The following STXBP5L variants were observed in gnomAD, a reference collection of about 807,000 sequenced individuals.
The protein encoded by STXBP5L is syntaxin binding protein 5L.
A neutral mutation model predicts 144.5 loss-of-function variants in STXBP5L; 65 were observed. That is an observed-to-expected ratio of 0.45 (90% CI 0.37 to 0.55). The LOEUF is 0.55. STXBP5L is among the 20% of genes least tolerant of loss of function. The pLI, the probability that STXBP5L is intolerant of heterozygous loss-of-function variation, is 0.00. For synonymous variants in STXBP5L, 505 were observed against 469.6 expected (o/e 1.08, Z -0.97); for missense variants, 1,298 against 1,405.5 (o/e 0.92, Z 1.22).
At chr3:121,003,873 C>T (rs749620487) in intron 3 of STXBP5L, among the ~76,000 whole-genome samples, 2 of 152,098 alleles carry the variant, frequency 1.3e-5, no homozygotes, top group Non-Finnish European at 2.9e-5. Context: ...AGATATATGG[C>T]ATTATTTCTG....
At chr3:121,156,733 A>G in intron 8 of STXBP5L, among the ~76,000 whole-genome samples, 1 of 151,982 alleles carries the variant, frequency 6.6e-6, no homozygotes, top group East Asian at 1.9e-4. Context: ...ATAATTTTAA[A>G]ACAATATAAT....
intron 3 of STXBP5L, among the ~76,000 whole-genome samples, chr3:120,978,576 T>C (rs543793153): frequency 1.0e-3 from 152 of 152,366 alleles, no homozygotes; most frequent in African/African-American, 3.5e-3. Context: ...AGGTTTGTTC[T>C]GTTGCTGGTG....
At chr3:121,145,098 G>A (rs1218905348) in intron 7 of STXBP5L, among the ~76,000 whole-genome samples, 2 of 151,774 alleles carry the variant, frequency 1.3e-5, no homozygotes, top group Non-Finnish European at 2.9e-5. Context: ...GTGCAACATT[G>A]TATCTAGAGT....
intron 3 of STXBP5L, among the ~76,000 whole-genome samples, chr3:120,982,816 G>C (rs1035543775): frequency 6.6e-6 from 1 of 152,190 alleles, no homozygotes; most frequent in Non-Finnish European, 1.5e-5. Flanking sequence ...GGGCTAGGCA[G>C]TCCCCCAATT....
At chr3:121,024,765 A>G (rs182362856) in intron 3 of STXBP5L, among the ~76,000 whole-genome samples, 1 of 152,182 alleles carries the variant, frequency 6.6e-6, no homozygotes, top group East Asian at 1.9e-4. Context: ...TATCCCATAA[A>G]TGTATAAACA....
intron 18 of STXBP5L, among the ~76,000 whole-genome samples, chr3:121,268,550 A>G (rs972708611): frequency 6.6e-6 from 1 of 152,116 alleles, no homozygotes; most frequent in African/African-American, 2.4e-5. Context: ...AACTTAAAGT[A>G]TAATAAAAAA....
chr3:120,961,558 A>G (rs1412820597), intron 3 of STXBP5L, among the ~76,000 whole-genome samples: 1 of 152,192 alleles, frequency 6.6e-6, no homozygotes, highest in Admixed American at 6.5e-5. Context: ...TTTGCTGAGA[A>G]TGCTGGTTTC....
At chr3:121,213,205 T>C (rs1157723984) in intron 10 of STXBP5L, among the ~76,000 whole-genome samples, 2 of 152,160 alleles carry the variant, frequency 1.3e-5, no homozygotes, top group Non-Finnish European at 2.9e-5. Flanking sequence ...CCTTTATTTC[T>C]TTCTCTTGCC....
intron 19 of STXBP5L, among the ~76,000 whole-genome samples, chr3:121,293,931 CAGAA>C (rs1164801152): frequency 6.6e-6 from 1 of 151,960 alleles, no homozygotes; most frequent in Non-Finnish European, 1.5e-5. Context: ...CATCTAGAAA[CAGAA>C]AGAATGCAAG....
At chr3:121,004,529 G>A (rs1235528836) in intron 3 of STXBP5L, among the ~76,000 whole-genome samples, 3 of 151,606 alleles carry the variant, frequency 2.0e-5, no homozygotes, top group Non-Finnish European at 4.4e-5. Flanking sequence ...TTTCCTAATT[G>A]AATACCCTTT....
At chr3:121,122,469 A>G (rs1399886721) in intron 7 of STXBP5L, among the ~76,000 whole-genome samples, 2 of 151,520 alleles carry the variant, frequency 1.3e-5, no homozygotes, top group Middle Eastern at 3.4e-3. Flanking sequence ...AATGTATACG[A>G]ATAGCCATGA....
intron 15 of STXBP5L, 140 bp downstream of exon 15, chr3:121,250,903 C>G: frequency 1.6e-6 from 1 of 644,506 alleles, no homozygotes; most frequent in East Asian, 2.8e-5. Flanking sequence ...AAATCTATTA[C>G]CTACACTGTT....
intron 5 of STXBP5L, among the ~76,000 whole-genome samples, chr3:121,114,402 T>C (rs960381818): frequency 6.6e-6 from 1 of 152,218 alleles, no homozygotes; most frequent in Non-Finnish European, 1.5e-5. Flanking sequence ...CTCTGTGAAC[T>C]CTGAAATTTA....
intron 5 of STXBP5L, among the ~76,000 whole-genome samples, chr3:121,094,634 C>T (rs1294109746): frequency 2.6e-5 from 4 of 152,052 alleles, no homozygotes; most frequent in African/African-American, 9.7e-5. Context: ...GGTAGATCTT[C>T]CTCCATCCTT....
chr3:121,311,032 A>T (rs2043508779), intron 19 of STXBP5L, among the ~76,000 whole-genome samples: 1 of 152,230 alleles, frequency 6.6e-6, no homozygotes, highest in Admixed American at 6.5e-5. Flanking sequence ...TTACTACTAC[A>T]TAACACAAAT....
chr3:121,109,576 G>A (rs1350491247), intron 5 of STXBP5L, among the ~76,000 whole-genome samples: 1 of 152,062 alleles, frequency 6.6e-6, no homozygotes, highest in African/African-American at 2.4e-5. Context: ...ATTGCTCTAT[G>A]GTCTGAGAGA....
chr3:121,291,575 GTA>G (rs2051440308), intron 19 of STXBP5L, among the ~76,000 whole-genome samples: 1 of 151,786 alleles, frequency 6.6e-6, no homozygotes, highest in Non-Finnish European at 1.5e-5. Flanking sequence ...CATTCACACA[GTA>G]CCAAAAAAGC....
At chr3:121,181,321 A>G (rs1270301644) in intron 9 of STXBP5L, among the ~76,000 whole-genome samples, 1 of 152,002 alleles carries the variant, frequency 6.6e-6, no homozygotes, top group Admixed American at 6.6e-5. Flanking sequence ...CATCAAGAAA[A>G]GAAAAGTAAA....
At chr3:121,373,455 T>C (rs2046091381) in intron 20 of STXBP5L, among the ~76,000 whole-genome samples, 2 of 152,176 alleles carry the variant, frequency 1.3e-5, no homozygotes, top group Non-Finnish European at 2.9e-5. Context: ...TGATGCCATT[T>C]TGAGAGCAGA....
Sources: allele counts gnomAD v4.1 joint callset (sites outside exome capture counted in the v4.1 genomes callset), GRCh38; gene constraint gnomAD v4.1.1; transcripts MANE v1.5; gene names NCBI Gene and HGNC (gene_info 2026-07-23, HGNC 2026-07-21).